LAMA3: variants seen among roughly 807,000 people sequenced by gnomAD.
LAMA3 encodes laminin subunit alpha-3.
Under a neutral mutation model 402.0 loss-of-function variants are expected in LAMA3, and 281 were observed. That is an observed-to-expected ratio of 0.70 (90% CI 0.63 to 0.77). The LOEUF (loss-of-function observed/expected upper bound fraction) is 0.77. Among genes scored for constraint, LAMA3 ranks in the 30% least tolerant of loss-of-function variants. LAMA3 has a pLI of 0.00. For synonymous variants in LAMA3, 1,431 were observed against 1,558.4 expected (o/e 0.92, Z 1.93); for missense variants, 3,840 against 4,215.5 (o/e 0.91, Z 2.47).
chr18:23,895,088 G>A (rs370887047), intron 44 of LAMA3, 30 bp downstream of exon 44: 44 of 1,563,744 alleles, frequency 2.8e-5, no homozygotes, highest in East Asian at 1.4e-4. Flanking sequence ...GAGTAGACAC[G>A]TGGGGAGGAG....
intron 2 of LAMA3, among the ~76,000 whole-genome samples, chr18:23,714,323 C>T (rs914063675): frequency 2.0e-4 from 31 of 152,066 alleles, no homozygotes; most frequent in African/African-American, 7.2e-4. Flanking sequence ...AGTTTGAGAC[C>T]AGCCTGATCA....
intron 31 of LAMA3, 87 bp downstream of exon 31, chr18:23,846,595 T>C: frequency 2.5e-6 from 3 of 1,184,422 alleles, no homozygotes; most frequent in Non-Finnish European, 3.6e-6. Context: ...AGTGGCACTG[T>C]GCTAGAGACT....
intron 2 of LAMA3, among the ~76,000 whole-genome samples, chr18:23,723,362 T>A (rs180928916): frequency 7.7e-4 from 118 of 152,296 alleles, no homozygotes; most frequent in African/African-American, 2.5e-3. Flanking sequence ...CTGACTCAGT[T>A]AGTGGATTAA....
At chr18:23,877,041 C>T (rs2064744026) in intron 39 of LAMA3, among the ~76,000 whole-genome samples, 2 of 152,136 alleles carry the variant, frequency 1.3e-5, no homozygotes, top group Admixed American at 1.3e-4. Context: ...CACCCCCACA[C>T]CATAAACAAC....
At chr18:23,952,954 C>G (rs1327347024) in intron 73 of LAMA3, 36 bp from the exon 74 acceptor site, 1 of 1,613,364 alleles carries the variant, frequency 6.2e-7, no homozygotes, top group Admixed American at 1.7e-5. Flanking sequence ...CAGGGCTCAC[C>G]TCCGATGATA....
intron 1 of LAMA3, chr18:23,710,057 C>G (rs1300002892): frequency 9.1e-6 from 7 of 766,818 alleles, no homozygotes; most frequent in Non-Finnish European, 1.6e-5. Flanking sequence ...TCAGCAGAAA[C>G]TTGATGATAG....
chr18:23,924,220 T>G (rs2081934885), intron 62 of LAMA3, among the ~76,000 whole-genome samples: 1 of 152,108 alleles, frequency 6.6e-6, no homozygotes, highest in Non-Finnish European at 1.5e-5. Context: ...GGCGCCATCT[T>G]GGCTCATTGC....
intron 2 of LAMA3, among the ~76,000 whole-genome samples, chr18:23,741,003 G>A (rs1318757595): frequency 1.3e-5 from 2 of 151,714 alleles, no homozygotes; most frequent in Non-Finnish European, 2.9e-5. Flanking sequence ...GCCCAGGCTG[G>A]AGTGCAGTGG....
chr18:23,846,855 G>A (rs1291696709), intron 31 of LAMA3, among the ~76,000 whole-genome samples: 1 of 152,206 alleles, frequency 6.6e-6, no homozygotes, highest in Non-Finnish European at 1.5e-5. Context: ...CTTCGTCACA[G>A]AAGCCCCTTC....
chr18:23,824,967 A>G (rs760684581), intron 21 of LAMA3, among the ~76,000 whole-genome samples: 5 of 152,184 alleles, frequency 3.3e-5, no homozygotes, highest in Non-Finnish European at 7.3e-5. Flanking sequence ...AGAACTAGCA[A>G]CTTCACCTGG....
chr18:23,710,209 C>A (rs2060965692), intron 1 of LAMA3: 2 of 646,840 alleles, frequency 3.1e-6, no homozygotes, highest in Middle Eastern at 3.6e-4. Context: ...TTAAACACTG[C>A]CTTCTTGGCC....
chr18:23,932,252 G>A lies in LAMA3; in HGVS notation c.8669G>A (p.Ser2890Asn). The change falls in exon 66 of 75, where the codon AGC becomes AAC. Residue 2890 changes from serine (S) to asparagine (N), a missense_variant. Physicochemically the swap from Ser to Asn is conservative, Grantham distance 46. Transcript: ENST00000313654. Reference sequence around the variant, plus strand: ...CGGCAGTCTCTGCGTCTGGGCGGGAGCAATTTTGAGGGTTGTATTAGCAAT... The same window carrying A: ...CGGCAGTCTCTGCGTCTGGGCGGGAACAATTTTGAGGGTTGTATTAGCAAT... The part of the protein sequence containing the change: ...SSRQSLRLGG[S>N]NFEGCISNVF... The A allele has an allele frequency of 1.2e-6, 2 of 1,614,092 alleles. No individual in the cohort carries two copies. Among genetic ancestry groups the A allele is most frequent in the Non-Finnish European group, 1.7e-6 (2 of 1,179,934 alleles).
chr18:23,731,184 A>C (rs1377704047), intron 2 of LAMA3, among the ~76,000 whole-genome samples: 1 of 152,174 alleles, frequency 6.6e-6, no homozygotes, highest in Non-Finnish European at 1.5e-5. Context: ...CTATTGTACT[A>C]CTTCATTCCC....
chr18:23,797,991 T>C (rs763367829), intron 12 of LAMA3, among the ~76,000 whole-genome samples: 2 of 152,226 alleles, frequency 1.3e-5, no homozygotes, highest in Non-Finnish European at 2.9e-5. Context: ...GTGGGTTTTT[T>C]GACTCTATCT....
At chr18:23,798,800 G>T (rs995550000) in intron 12 of LAMA3, among the ~76,000 whole-genome samples, 4 of 152,170 alleles carry the variant, frequency 2.6e-5, no homozygotes, top group African/African-American at 9.7e-5. Context: ...GAAGATCAAG[G>T]TGCCAATCGG....
Position 23,907,856 on chromosome 18 carries a change from T to A in LAMA3, c.6936T>A (p.Asp2312Glu). The A allele has an allele frequency of 6.2e-7, 1 of 1,614,114 alleles. No individual in the cohort carries two copies. The change falls in exon 54 of 75, where the codon GAT becomes GAA. Residue 2312 changes from aspartate to glutamate, a missense_variant. By Grantham distance (45) the Asp-to-Glu change is conservative (BLOSUM62 2). Transcript: ENST00000313654. ...VLDGLNPIQT[D>E]VERIKDTYGR... ...ATGGGCTCAACCCCATCCAGACAGA[T>A]GTGGAAAGAATTAAGGACACCTATG...
chr18:23,745,316 T>C (rs897666132), intron 2 of LAMA3, among the ~76,000 whole-genome samples: 3 of 152,152 alleles, frequency 2.0e-5, no homozygotes, highest in African/African-American at 7.2e-5. Flanking sequence ...GAGGCTCCCT[T>C]CTGAGCCACT....
intron 32 of LAMA3, 132 bp downstream of exon 32, chr18:23,847,800 C>T: frequency 1.1e-6 from 1 of 875,202 alleles, no homozygotes; most frequent in Non-Finnish European, 1.8e-6. Flanking sequence ...GCATGAGCTT[C>T]CCAGACAGGA....
intron 44 of LAMA3, 157 bp from the exon 45 acceptor site, chr18:23,898,581 A>T (rs1399266297): frequency 1.5e-6 from 1 of 647,106 alleles, no homozygotes; most frequent in Non-Finnish European, 2.8e-6. Context: ...CAGAAAATAG[A>T]TTCCTTATGT....
Sources: allele counts gnomAD v4.1 joint callset (sites outside exome capture counted in the v4.1 genomes callset), GRCh38; gene constraint gnomAD v4.1.1; transcripts MANE v1.5; gene names NCBI Gene and HGNC (gene_info 2026-07-23, HGNC 2026-07-21).